Variants in GPR158 observed in about 807,000 individuals in gnomAD.
GPR158 encodes metabotropic glycine receptor.
A neutral mutation model predicts 78.2 loss-of-function variants in GPR158; 30 were observed. That is an observed-to-expected ratio of 0.38 (90% CI 0.29 to 0.52). GPR158 has a LOEUF of 0.52. GPR158 is among the 20% of genes least tolerant of loss of function. The probability of loss-of-function intolerance (pLI) is 0.83; values close to 1 mark genes in which losing one functional copy is unlikely to be tolerated. For missense variants in GPR158, 1,463 were observed against 1,523.5 expected (o/e 0.96, Z 0.66); for synonymous variants, 581 against 591.1 (o/e 0.98, Z 0.25).
At chr10:25,226,666 T>TA (rs1171340673) in intron 2 of GPR158, among the ~76,000 whole-genome samples, 1 of 152,202 alleles carries the variant, frequency 6.6e-6, no homozygotes, top group Non-Finnish European at 1.5e-5. Flanking sequence ...CTCCTATTAC[T>TA]AGTGTGAAAT....
rs149494369 is a variant in GPR158, at chr10:25,295,768, A to T, written c.1008+74611A>T. Reference sequence around the variant, plus strand: ...AACCTGAAAAAACTTTTCGTGGTCTACTGGGATCTTTTTCTTCCTTAAATG... The same window carrying T: ...AACCTGAAAAAACTTTTCGTGGTCTTCTGGGATCTTTTTCTTCCTTAAATG... On this transcript the variant is annotated intron_variant, in intron 2 of 10. Coordinates refer to ENST00000376351, the MANE Select transcript of GPR158 (RefSeq NM_020752.3). Among the ~76,000 whole-genome samples, 5 of 152,250 alleles carry T rather than the reference A, an allele frequency of 3.3e-5. No homozygotes were observed. The East Asian group carries it at 9.7e-4, about 29-fold the overall frequency.
At position 25,566,273 on chromosome 10, in the gene GPR158, T is replaced by C. The variant is rs1836928051; in HGVS notation, c.1515-6376T>C. On this transcript the variant is annotated intron_variant, in intron 6 of 10. Transcript: ENST00000376351. ...CTTACAGCAAAATTTTCTCTGTTTA[T>C]AGCTTTCTTGGGGAAGAAAACCACA... 1.3e-5 allele frequency among the ~76,000 whole-genome samples: 2 copies of C among 152,236 alleles called. 1 individual carries two copies. Among genetic ancestry groups the C allele is most frequent in the South Asian group, 4.1e-4 (2 of 4,834 alleles).
chr10:25,393,204 A>G (rs191733867), intron 2 of GPR158, among the ~76,000 whole-genome samples: 85 of 152,332 alleles, frequency 5.6e-4, no homozygotes, highest in African/African-American at 1.9e-3. Context: ...TACTTTAATT[A>G]CAATAAACTT....
chr10:25,353,340 T>G (rs1855500604), intron 2 of GPR158, among the ~76,000 whole-genome samples: 1 of 152,194 alleles, frequency 6.6e-6, no homozygotes, highest in East Asian at 1.9e-4. Context: ...ATTAGAATTG[T>G]TGAATCTCAC....
At chr10:25,405,339 A>AAAAG (rs1834498168) in intron 3 of GPR158, among the ~76,000 whole-genome samples, 1 of 152,026 alleles carries the variant, frequency 6.6e-6, no homozygotes, top group Non-Finnish European at 1.5e-5. Context: ...TTTTAATTGC[A>AAAAG]AAAGATACTT....
intron 4 of GPR158, among the ~76,000 whole-genome samples, chr10:25,445,788 A>G (rs1835132595): frequency 6.6e-6 from 1 of 152,122 alleles, no homozygotes; most frequent in African/African-American, 2.4e-5. Flanking sequence ...ACAGACAGAC[A>G]GACTAGGAGG....
At chr10:25,250,141 G>T (rs1296910830) in intron 2 of GPR158, among the ~76,000 whole-genome samples, 1 of 123,148 alleles carries the variant, frequency 8.1e-6, no homozygotes, top group East Asian at 2.4e-4. Context: ...TTGTATTTCT[G>T]TGGGATCGGT....
At chr10:25,199,140 T>G (rs986224464) in intron 1 of GPR158, among the ~76,000 whole-genome samples, 1 of 151,034 alleles carries the variant, frequency 6.6e-6, no homozygotes, top group African/African-American at 2.4e-5. Flanking sequence ...GTTTTTTTTT[T>G]GCTTTTATTA....
chr10:25,537,597 C>T (rs1836517558), intron 5 of GPR158, among the ~76,000 whole-genome samples: 1 of 152,000 alleles, frequency 6.6e-6, no homozygotes. Flanking sequence ...TTAACCTTTT[C>T]TCAATACACA....
intron 10 of GPR158, 90 bp downstream of exon 10, chr10:25,596,879 C>A: frequency 1.0e-6 from 1 of 991,788 alleles, no homozygotes; most frequent in Non-Finnish European, 1.5e-6. Context: ...TGTGTGCATG[C>A]ATGTACACTC....
At chr10:25,278,739 TTAAA>T (rs1371540593) in intron 2 of GPR158, among the ~76,000 whole-genome samples, 9 of 151,372 alleles carry the variant, frequency 5.9e-5, no homozygotes, top group African/African-American at 1.5e-4. Context: ...TTAAAATTAA[TTAAA>T]TAATTAAAGT....
chr10:25,573,700 A>AAGAT lies in GPR158; in HGVS notation c.1753+817_1753+820dup, dbSNP rs1837046078. Among the ~76,000 whole-genome samples, 5 of 152,202 alleles carry AAGAT rather than the reference A, an allele frequency of 3.3e-5. No individual in the cohort carries two copies. In the South Asian group the frequency reaches 1.0e-3, roughly 32 times the overall value. ...CCTTAATTGTATTTGGCAGATATAA[A>AAGAT]AGATAGAAACATGAGTTTGATTCCC... On this transcript the variant is annotated intron_variant, in intron 7 of 10. Transcript: ENST00000376351.
At chr10:25,344,123 A>T (rs1312089452) in intron 2 of GPR158, among the ~76,000 whole-genome samples, 1 of 151,996 alleles carries the variant, frequency 6.6e-6, no homozygotes, top group Non-Finnish European at 1.5e-5. Flanking sequence ...CAACCAGCTG[A>T]AAACATTTTT....
chr10:25,262,774 C>T (rs912604688), intron 2 of GPR158, among the ~76,000 whole-genome samples: 1 of 152,166 alleles, frequency 6.6e-6, no homozygotes, highest in Non-Finnish European at 1.5e-5. Flanking sequence ...TGGCATTGTA[C>T]ATTCTACTAT....
intron 5 of GPR158, among the ~76,000 whole-genome samples, chr10:25,515,395 T>G (rs556809197): frequency 6.6e-6 from 1 of 151,680 alleles, no homozygotes; most frequent in South Asian, 2.1e-4. Flanking sequence ...ATACTTTAAG[T>G]TTTAGGGTAC....
rs75275182 is a variant in GPR158 at position 25,218,592 on chromosome 10, A to G, written c.903-2460A>G. On this transcript the variant is annotated intron_variant, in intron 1 of 10. Transcript: ENST00000376351. ...GTGGAACGAGTAGAAATGCCTATTG[A>G]TTAGTTTGCCAATTACAAATACTTT... 8.8e-3 allele frequency among the ~76,000 whole-genome samples: 1,334 copies of G among 152,272 alleles called. 8 individuals are homozygous for G. The highest frequency in any genetic ancestry group is 0.02 in the Middle Eastern group (6 of 294).
intron 2 of GPR158, among the ~76,000 whole-genome samples, chr10:25,258,414 T>C (rs1853919169): frequency 6.6e-6 from 1 of 152,188 alleles, no homozygotes; most frequent in Non-Finnish European, 1.5e-5. Flanking sequence ...TGTAGCTTCT[T>C]TGAGGAACTA....
At chr10:25,347,851 G>A (rs1199361151) in intron 2 of GPR158, among the ~76,000 whole-genome samples, 1 of 151,826 alleles carries the variant, frequency 6.6e-6, no homozygotes, top group African/African-American at 2.4e-5. Flanking sequence ...TGAATTACCT[G>A]ATCACAGCCA....
intron 2 of GPR158, among the ~76,000 whole-genome samples, chr10:25,376,689 A>T (rs117343383): frequency 0.017 from 2,518 of 151,834 alleles, 26 homozygotes; most frequent in Non-Finnish European, 0.027. Flanking sequence ...CTGCTGCTAA[A>T]AAGTTATTTC....
Sources: gnomAD v4.1 joint callset for allele counts (sites outside exome capture counted in the v4.1 genomes callset) on GRCh38, gnomAD v4.1.1 for gene constraint, MANE v1.5 for transcripts, NCBI Gene and HGNC (gene_info 2026-07-23, HGNC 2026-07-21) for gene names.